Variants in KDM5A observed in about 807,000 individuals in gnomAD.
The protein encoded by KDM5A is lysine demethylase 5A.
KDM5A carries 42 observed loss-of-function variants against 193.5 expected under a neutral mutation model. That is an observed-to-expected ratio of 0.22 (90% CI 0.17 to 0.28). The LOEUF (loss-of-function observed/expected upper bound fraction) is 0.28, where lower values mean the gene tolerates loss of function less well. Among genes scored for constraint, KDM5A ranks in the 10% least tolerant of loss-of-function variants. The probability of loss-of-function intolerance (pLI) is 1.00; values close to 1 mark genes in which losing one functional copy is unlikely to be tolerated. For synonymous variants in KDM5A, 796 were observed against 718.1 expected (o/e 1.11, Z -1.73); for missense variants, 1,692 against 2,055.1 (o/e 0.82, Z 3.42).
At chr12:333,214 T>A (rs1235728530) in intron 12 of KDM5A, 7 of 442,548 alleles carry the variant, frequency 1.6e-5, no homozygotes, top group African/African-American at 1.0e-4. Flanking sequence ...AGCTCAGGAG[T>A]TCGAGACCAA....
At chr12:333,458 C>A (rs1420053413) in intron 12 of KDM5A, 29 bp downstream of exon 12, 3 of 1,612,596 alleles carry the variant, frequency 1.9e-6, no homozygotes, top group South Asian at 2.2e-5. Context: ...AACAAACAAA[C>A]AACTGAAGGA....
At position 331,926 on chromosome 12, in the gene KDM5A, T is replaced by G; in HGVS notation, c.1666A>C (p.Asn556His). 6 of 1,614,020 alleles carry G rather than the reference T, an allele frequency of 3.7e-6. No homozygotes were observed. The highest frequency in any genetic ancestry group is 5.1e-6 in the Non-Finnish European group (6 of 1,179,912). ...MEHGVPVYRT[N>H]QCAGEFVVTF... Reference sequence around the variant, plus strand: ...ACAACAAACTCGCCAGCACACTGATTGGTCCTGTACACCTAAATGCAAATT... The same window carrying G: ...ACAACAAACTCGCCAGCACACTGATGGGTCCTGTACACCTAAATGCAAATT... Residue 556 changes from asparagine to histidine, a missense_variant, in exon 13 of 28, where the codon AAT (asparagine) becomes CAT (histidine). Physicochemically the swap from Asn to His is moderately conservative, Grantham distance 68 (BLOSUM62 1). This residue lies in a region of KDM5A where 172 missense variants were observed against 260.3 expected (regional missense o/e 0.66). Coordinates refer to ENST00000399788, the MANE Select transcript of KDM5A (RefSeq NM_001042603.3).
At chr12:367,578 T>A (rs1232108763) in intron 3 of KDM5A, among the ~76,000 whole-genome samples, 2 of 152,100 alleles carry the variant, frequency 1.3e-5, no homozygotes, top group Non-Finnish European at 2.9e-5. Context: ...GGTGCACACC[T>A]ATAATCCCAG....
chr12:380,351 C>CTATAT (rs902362786), intron 3 of KDM5A, among the ~76,000 whole-genome samples: 10 of 151,824 alleles, frequency 6.6e-5, no homozygotes, highest in Non-Finnish European at 1.3e-4. Context: ...GAGAAAGTTT[C>CTATAT]AATAGATTAC....
chr12:378,741 G>A (rs982808402), intron 3 of KDM5A, among the ~76,000 whole-genome samples: 2 of 152,126 alleles, frequency 1.3e-5, no homozygotes, highest in East Asian at 1.9e-4. Context: ...GGCGGATCAC[G>A]AGGTCAGGAG....
intron 24 of KDM5A, among the ~76,000 whole-genome samples, chr12:298,301 G>C (rs1472205205): frequency 6.6e-6 from 1 of 152,210 alleles, no homozygotes; most frequent in Non-Finnish European, 1.5e-5. Context: ...GAGAACTCTG[G>C]CTGGCATCTG....
intron 24 of KDM5A, among the ~76,000 whole-genome samples, chr12:299,435 T>G (rs1943413872): frequency 1.3e-5 from 2 of 152,144 alleles, no homozygotes; most frequent in Non-Finnish European, 1.5e-5. Context: ...GAATTTCATA[T>G]CCAGCCAAAC....
At position 389,100 on chromosome 12, in the gene KDM5A, CCGGG is replaced by C; in HGVS notation, c.-13_-10del. On this transcript the variant is annotated 5_prime_UTR_variant, in exon 1 of 28. Transcript: ENST00000399788. ...GGCCCCACGCCCGCCATTGCAACGG[CCGGG>C]GGGGGGGGGGGGTCCCCGTGGGGAA... 2.0e-6 allele frequency: 2 copies of C among 979,086 alleles called. No homozygotes were observed. Among genetic ancestry groups the C allele is most frequent in the Non-Finnish European group, 2.8e-6 (2 of 708,180 alleles). 60.6% of individuals were successfully genotyped at this position (979,086 alleles called of 1,614,324 possible). A position where few individuals can be genotyped will look rare whatever the true frequency, so the allele number is the denominator to read the frequency against.
At chr12:370,159 G>A (rs559255985) in intron 3 of KDM5A, among the ~76,000 whole-genome samples, 17 of 152,288 alleles carry the variant, frequency 1.1e-4, no homozygotes, top group Admixed American at 2.0e-4. Context: ...TTGGGAGGCC[G>A]AGGCAGGTGG....
intron 3 of KDM5A, among the ~76,000 whole-genome samples, chr12:368,572 A>G (rs930868451): frequency 6.6e-6 from 1 of 152,068 alleles, no homozygotes; most frequent in Non-Finnish European, 1.5e-5. Flanking sequence ...CTCAACTAAA[A>G]ATACCAAAAA....
At chr12:292,131 T>C (rs1323940592) in intron 27 of KDM5A, among the ~76,000 whole-genome samples, 1 of 152,178 alleles carries the variant, frequency 6.6e-6, no homozygotes. Flanking sequence ...CTCGAACTCC[T>C]CACCTCAGGT....
intron 10 of KDM5A, among the ~76,000 whole-genome samples, chr12:344,025 T>C (rs534070220): frequency 2.7e-4 from 41 of 152,186 alleles, no homozygotes; most frequent in Non-Finnish European, 4.6e-4. Flanking sequence ...TGAAAAAAGA[T>C]TAGACAAATC....
chr12:282,712 C>T lies in KDM5A; in HGVS notation c.*2744G>A, dbSNP rs532581961. On this transcript the variant is annotated 3_prime_UTR_variant, in exon 28 of 28. Transcript: ENST00000399788. The stretch of plus-strand genomic sequence containing the variant: ...TACTAATGATGAAGAATTGCAACTT[C>T]AGTTGCAGTTTAGAGGAGATAAGGG... 4.3e-6 allele frequency: 1 copy of T among 232,868 alleles called. No homozygotes were observed. Among genetic ancestry groups the T allele is most frequent in the East Asian group, 6.1e-5 (1 of 16,492 alleles). 14.4% of individuals were successfully genotyped at this position (232,868 alleles called of 1,614,324 possible). A position where few individuals can be genotyped will look rare whatever the true frequency, so the allele number is the denominator to read the frequency against.
Position 281,102 on chromosome 12 carries a change from C to CA in KDM5A, c.*4353dup, listed in dbSNP as rs1215227333. On this transcript the variant is annotated 3_prime_UTR_variant, in exon 28 of 28. Coordinates refer to ENST00000399788, the MANE Select transcript of KDM5A (RefSeq NM_001042603.3). ...TATGGGTGTGGGGAACCTGAGCATA[C>CA]ACACAATTTTTTAAATCTTTTAGAT... 1 of 232,840 alleles carries CA rather than the reference C, an allele frequency of 4.3e-6. No individual in the cohort carries two copies. The highest frequency in any genetic ancestry group is 6.0e-5 in the East Asian group (1 of 16,552). The allele number at this position is 232,840 out of a possible 1,614,324, so 14.4% of individuals were successfully genotyped here.
chr12:385,586 G>A (rs182606050), intron 2 of KDM5A, among the ~76,000 whole-genome samples: 1 of 152,184 alleles, frequency 6.6e-6, no homozygotes, highest in Non-Finnish European at 1.5e-5. Flanking sequence ...TCCAAGAACC[G>A]AGGGAGAAAG....
chr12:315,731 C>A (rs1381916101), intron 19 of KDM5A, among the ~76,000 whole-genome samples: 2 of 151,776 alleles, frequency 1.3e-5, no homozygotes, highest in African/African-American at 4.8e-5. Context: ...TCAAAGCTAA[C>A]TACCAAAGTA....
At chr12:381,608 T>G (rs1453968448) in intron 3 of KDM5A, among the ~76,000 whole-genome samples, 2 of 152,162 alleles carry the variant, frequency 1.3e-5, no homozygotes, top group Non-Finnish European at 2.9e-5. Context: ...CATAATTTGT[T>G]CTTTAGTACC....
Position 325,649 on chromosome 12 carries a change from G to A in KDM5A, c.1969-1868C>T, listed in dbSNP as rs528990742. The stretch of plus-strand genomic sequence containing the variant: ...AGATCGTGCCACTGCACTCCAACTC[G>A]GGCAACAGAGTGAGACCCTGTCTCA... On this transcript the variant is annotated intron_variant, in intron 14 of 27. Transcript: ENST00000399788. Among the ~76,000 whole-genome samples, 16 of 152,192 alleles carry A rather than the reference G, an allele frequency of 1.1e-4. No homozygotes were observed. The South Asian group carries it at 1.5e-3, about 14-fold the overall frequency.
intron 24 of KDM5A, among the ~76,000 whole-genome samples, chr12:302,601 A>G (rs1335658953): frequency 6.6e-6 from 1 of 152,120 alleles, no homozygotes; most frequent in East Asian, 1.9e-4. Context: ...CATTCAGGAC[A>G]TGGGCATGGG....
Sources: gnomAD v4.1 joint callset for allele counts (sites outside exome capture counted in the v4.1 genomes callset) on GRCh38, gnomAD v4.1.1 for gene constraint, gnomAD v4.1.1 regional missense constraint, MANE v1.5 for transcripts, NCBI Gene and HGNC (gene_info 2026-07-23, HGNC 2026-07-21) for gene names.